PIP4K2C: variants seen among roughly 807,000 people sequenced by gnomAD.
The protein encoded by PIP4K2C is phosphatidylinositol-5-phosphate 4-kinase type 2 gamma.
In PIP4K2C, 21 loss-of-function variants were observed where a neutral mutation model predicts 45.0. The observed-to-expected ratio is 0.47, with a 90% CI of 0.33 to 0.67. PIP4K2C has a LOEUF of 0.67. Among genes scored for constraint, PIP4K2C ranks in the 30% least tolerant of loss-of-function variants. The pLI is 0.02. For missense variants in PIP4K2C, 456 were observed against 542.8 expected (o/e 0.84, Z 1.59); for synonymous variants, 201 against 204.8 (o/e 0.98, Z 0.16).
intron 4 of PIP4K2C, among the ~76,000 whole-genome samples, chr12:57,596,439 C>G (rs531959247): frequency 6.7e-6 from 1 of 149,124 alleles, no homozygotes; most frequent in South Asian, 2.1e-4. Flanking sequence ...GAGCCGAGAT[C>G]GTGCATTTGC....
At chr12:57,600,749 C>A in intron 7 of PIP4K2C, 62 bp from the exon 8 acceptor site, 1 of 1,595,004 alleles carries the variant, frequency 6.3e-7, no homozygotes, top group Non-Finnish European at 8.6e-7. Flanking sequence ...GGTACAGGTA[C>A]AGGGGTGATA....
rs898507374 is a variant in PIP4K2C, at chr12:57,600,546, C to T, written c.813+109C>T. ...AGCTCCTCCCCTTCCCTTTATTCTT[C>T]AGGTCCTCTGCCTATATGGGGGTTT... On this transcript the variant is annotated intron_variant, in intron 7 of 9. Coordinates refer to ENST00000354947, the MANE Select transcript of PIP4K2C (RefSeq NM_024779.5). The T allele has an allele frequency of 4.7e-6, 4 of 842,188 alleles. No homozygotes were observed. The East Asian group carries it at 7.6e-5, about 16-fold the overall frequency. 52.2% of individuals were successfully genotyped at this position (842,188 alleles called of 1,614,324 possible). A position where few individuals can be genotyped will look rare whatever the true frequency, so the allele number is the denominator to read the frequency against.
intron 6 of PIP4K2C, 58 bp from the exon 7 acceptor site, chr12:57,600,266 G>A: frequency 9.4e-7 from 1 of 1,060,924 alleles, no homozygotes; most frequent in African/African-American, 1.6e-5. Context: ...CAGAAGGTGG[G>A]GTTCTGAGAC....
chr12:57,592,756 C>T (rs1465549602), intron 1 of PIP4K2C, among the ~76,000 whole-genome samples: 1 of 152,162 alleles, frequency 6.6e-6, no homozygotes, highest in East Asian at 1.9e-4. Flanking sequence ...ACCCCACCCT[C>T]TGCCAACACA....
intron 1 of PIP4K2C, 123 bp downstream of exon 1, chr12:57,591,586 G>A (rs1882960616): frequency 1.7e-5 from 20 of 1,163,028 alleles, no homozygotes; most frequent in Non-Finnish European, 2.2e-5. Context: ...GGGTTGTCTT[G>A]GTCCCTGCCC....
At chr12:57,592,722 A>G (rs1469040271) in intron 1 of PIP4K2C, among the ~76,000 whole-genome samples, 2 of 152,074 alleles carry the variant, frequency 1.3e-5, no homozygotes, top group Non-Finnish European at 2.9e-5. Flanking sequence ...CAGCTTCACT[A>G]GGTATATATA....
chr12:57,596,158 G>A, intron 4 of PIP4K2C, 127 bp downstream of exon 4: 1 of 1,188,302 alleles, frequency 8.4e-7, no homozygotes, highest in Non-Finnish European at 1.2e-6. Context: ...ATCATATCCA[G>A]CCCTAAATGG....
intron 6 of PIP4K2C, among the ~76,000 whole-genome samples, chr12:57,600,048 C>CAAAAAA (rs56278212): frequency 7.2e-6 from 1 of 139,470 alleles, no homozygotes; most frequent in Admixed American, 7.0e-5. Context: ...GATCCTATCT[C>CAAAAAA]AAAAAAAAAA....
At chr12:57,592,111 G>A (rs1882989038) in intron 1 of PIP4K2C, among the ~76,000 whole-genome samples, 1 of 152,110 alleles carries the variant, frequency 6.6e-6, no homozygotes, top group African/African-American at 2.4e-5. Flanking sequence ...CCTTATCGCT[G>A]GCTAGAGCGA....
intron 1 of PIP4K2C, among the ~76,000 whole-genome samples, chr12:57,592,115 A>G (rs1218011369): frequency 2.0e-5 from 3 of 152,154 alleles, no homozygotes; most frequent in Non-Finnish European, 4.4e-5. Context: ...ATCGCTGGCT[A>G]GAGCGATCGT....
chr12:57,595,760 C>A, intron 3 of PIP4K2C, 128 bp from the exon 4 acceptor site: 1 of 995,118 alleles, frequency 1.0e-6, no homozygotes, highest in Non-Finnish European at 1.5e-6. Context: ...CATATGGACA[C>A]CTGATGAGGA....
chr12:57,598,526 A>C (rs77899067), intron 4 of PIP4K2C, among the ~76,000 whole-genome samples: 67 of 4,824 alleles, frequency 0.014, no homozygotes, highest in Admixed American at 0.11. Flanking sequence ...TCCATCTCCA[A>C]AAAAAAAAAA....
chr12:57,595,288 C>CA (rs1248429679), intron 3 of PIP4K2C, 66 bp downstream of exon 3: 2 of 1,028,912 alleles, frequency 1.9e-6, no homozygotes, highest in African/African-American at 3.2e-5. Context: ...CTATTTGGGA[C>CA]AGCCATATTT....
intron 1 of PIP4K2C, among the ~76,000 whole-genome samples, chr12:57,592,010 G>C (rs547645375): frequency 6.6e-6 from 1 of 152,170 alleles, no homozygotes; most frequent in South Asian, 2.1e-4. Flanking sequence ...CCCTTCCAGA[G>C]GTACAGCATT....
At chr12:57,596,724 G>A (rs1883211241) in intron 4 of PIP4K2C, among the ~76,000 whole-genome samples, 2 of 152,260 alleles carry the variant, frequency 1.3e-5, no homozygotes, top group Non-Finnish European at 2.9e-5. Context: ...AAACATCTGT[G>A]GCCCTTACAG....
chr12:57,592,690 G>A (rs1002826379), intron 1 of PIP4K2C, among the ~76,000 whole-genome samples: 9 of 152,054 alleles, frequency 5.9e-5, no homozygotes, highest in Admixed American at 3.3e-4. Flanking sequence ...AGGATTGGGG[G>A]AGTTACATGT....
rs1189743899 is a variant in PIP4K2C, at chr12:57,601,571, C to T, written c.1231C>T (p.Arg411Ter). 4.3e-6 allele frequency: 7 copies of T among 1,613,188 alleles called. No individual in the cohort carries two copies. Among genetic ancestry groups the T allele is most frequent in the African/African-American group, 1.3e-5 (1 of 74,972 alleles). ...STVHPEQYAK[R>*]FLDFITNIFA ...TGTCCATCCGGAGCAGTATGCTAAG[C>T]GATTCCTGGATTTTATTACCAACAT... Residue 411 changes from arginine (R) to a stop codon, truncating the protein, a stop_gained, in exon 10 of 10, where the codon CGA (arginine) becomes TGA (stop). Coordinates refer to ENST00000354947, the MANE Select transcript of PIP4K2C (RefSeq NM_024779.5). LOFTEE classifies it high-confidence loss of function.
intron 4 of PIP4K2C, among the ~76,000 whole-genome samples, chr12:57,597,794 A>T (rs1883255776): frequency 6.6e-6 from 1 of 152,190 alleles, no homozygotes; most frequent in Non-Finnish European, 1.5e-5. Flanking sequence ...GGAGGGTGGT[A>T]TAATAAGAGC....
chr12:57,591,521 C>T, intron 1 of PIP4K2C, 58 bp downstream of exon 1: 1 of 1,488,992 alleles, frequency 6.7e-7, no homozygotes, highest in African/African-American at 1.4e-5. Flanking sequence ...TCCGAGGCGT[C>T]CCTGTTTCCA....
Sources: allele counts gnomAD v4.1 joint callset (sites outside exome capture counted in the v4.1 genomes callset), GRCh38; gene constraint gnomAD v4.1.1; transcripts MANE v1.5; gene names NCBI Gene and HGNC (gene_info 2026-07-23, HGNC 2026-07-21).